The following MAP3K13 variants were observed in gnomAD, a reference collection of about 807,000 sequenced individuals.
The protein encoded by MAP3K13 is leucine zipper-bearing kinase.
A neutral mutation model predicts 104.0 loss-of-function variants in MAP3K13; 52 were observed. The observed-to-expected ratio is 0.50, with a 90% CI of 0.40 to 0.63. The LOEUF is 0.63. Among genes scored for constraint, MAP3K13 ranks in the 20% least tolerant of loss-of-function variants. The pLI, the probability that MAP3K13 is intolerant of heterozygous loss-of-function variation, is 0.00. For missense variants in MAP3K13, 914 were observed against 1,218.5 expected (o/e 0.75, Z 3.72); for synonymous variants, 394 against 442.2 (o/e 0.89, Z 1.37).
intron 1 of MAP3K13, among the ~76,000 whole-genome samples, chr3:185,370,741 C>A (rs1218145503): frequency 9.8e-5 from 11 of 112,004 alleles, no homozygotes; most frequent in African/African-American, 1.4e-4. Flanking sequence ...TCTCTGTAGT[C>A]AAAAAAAAAA....
intron 1 of MAP3K13, among the ~76,000 whole-genome samples, chr3:185,379,018 G>T (rs1724575143): frequency 6.6e-6 from 1 of 152,154 alleles, no homozygotes; most frequent in Admixed American, 6.5e-5. Flanking sequence ...AGGGTGGAAG[G>T]TTGCCCATGG....
intron 1 of MAP3K13, among the ~76,000 whole-genome samples, chr3:185,373,492 A>G (rs1724257852): frequency 1.3e-5 from 2 of 152,116 alleles, no homozygotes; most frequent in Admixed American, 6.5e-5. Context: ...AAATACAAAA[A>G]TTAGCCAGGT....
chr3:185,368,498 C>T (rs1445177101), intron 1 of MAP3K13, among the ~76,000 whole-genome samples: 2 of 152,064 alleles, frequency 1.3e-5, no homozygotes, highest in African/African-American at 4.8e-5. Context: ...GTTGGCACAG[C>T]AGGTGCAGTG....
chr3:185,465,759 T>C lies in MAP3K13; in HGVS notation c.1401T>C (p.Asp467=), dbSNP rs745427524. ...TTTTCTCTGACAGGCATGCGCTGGA[T>C]ATTCGTGAACACTATGAGCGGAAGC... ...RRREELRHAL[D]IREHYERKLE... The change falls in exon 9 of 14, where the codon GAT becomes GAC. Residue 467 remains aspartate (D), a synonymous_variant. Coordinates refer to ENST00000265026, the MANE Select transcript of MAP3K13 (RefSeq NM_004721.5). 1.5e-5 allele frequency: 25 copies of C among 1,613,794 alleles called. No individual in the cohort carries two copies. The highest frequency in any genetic ancestry group is 1.6e-4 in the Middle Eastern group (1 of 6,062).
exon 2 of MAP3K13, chr3:185,285,545 C>G: frequency 1.4e-6 from 2 of 1,383,848 alleles, no homozygotes; most frequent in East Asian, 2.5e-5. Flanking sequence ...TCTATGGACT[C>G]TAAAATGGAC....
intron 2 of MAP3K13, among the ~76,000 whole-genome samples, chr3:185,293,756 C>A (rs1266149284): frequency 6.6e-6 from 1 of 152,156 alleles, no homozygotes; most frequent in Non-Finnish European, 1.5e-5. Context: ...ACCATTTTGG[C>A]ACTAATGCCT....
chr3:185,403,744 T>C (rs1204227888), intron 1 of MAP3K13, among the ~76,000 whole-genome samples: 5 of 152,360 alleles, frequency 3.3e-5, no homozygotes, highest in African/African-American at 1.2e-4. Flanking sequence ...AACTTATATA[T>C]ACAGATAAAC....
At chr3:185,390,228 C>T (rs1400832410) in intron 1 of MAP3K13, among the ~76,000 whole-genome samples, 1 of 152,146 alleles carries the variant, frequency 6.6e-6, no homozygotes, top group East Asian at 1.9e-4. Flanking sequence ...TTAGTGTGTG[C>T]CAGACACTGT....
intron 1 of MAP3K13, among the ~76,000 whole-genome samples, chr3:185,412,166 A>T (rs1023238562): frequency 6.6e-6 from 1 of 152,060 alleles, no homozygotes; most frequent in Non-Finnish European, 1.5e-5. Flanking sequence ...CAAATAGTTT[A>T]TTATTTTGCA....
At chr3:185,397,575 C>T (rs114964943) in intron 1 of MAP3K13, among the ~76,000 whole-genome samples, 30 of 152,296 alleles carry the variant, frequency 2.0e-4, no homozygotes, top group African/African-American at 6.7e-4. Context: ...ATTTCTATTT[C>T]GATGGAGAAA....
At chr3:185,352,146 TTAAAAG>T (rs1723160690) in intron 2 of MAP3K13, among the ~76,000 whole-genome samples, 2 of 151,984 alleles carry the variant, frequency 1.3e-5, no homozygotes, top group South Asian at 4.2e-4. Flanking sequence ...ACCTAAAACT[TTAAAAG>T]TAAGAGTGGG....
chr3:185,348,012 CA>C (rs61028328), intron 2 of MAP3K13, among the ~76,000 whole-genome samples: 168 of 88,900 alleles, frequency 1.9e-3, no homozygotes, highest in Middle Eastern at 6.9e-3. Context: ...AACTCCGTCT[CA>C]AAAAAAAAAA....
intron 2 of MAP3K13, among the ~76,000 whole-genome samples, chr3:185,341,944 G>T (rs965200218): frequency 6.6e-6 from 1 of 152,140 alleles, no homozygotes; most frequent in Non-Finnish European, 1.5e-5. Context: ...GAAAAAGTTT[G>T]CCAAGCCCTG....
Position 185,399,235 on chromosome 3 carries a change from T to C in MAP3K13, c.-85-29262T>C, listed in dbSNP as rs147814158. On this transcript the variant is annotated intron_variant, in intron 1 of 13. Coordinates refer to ENST00000265026, the MANE Select transcript of MAP3K13 (RefSeq NM_004721.5). ...CAAAGGAAAGTGACAAAATTACCCT[T>C]GAGAAAAAAATGCTGATCACCAAGC... is the stretch of plus-strand genomic sequence containing the variant. 3.9e-3 allele frequency among the ~76,000 whole-genome samples: 586 copies of C among 151,976 alleles called. 4 individuals are homozygous for C. Among genetic ancestry groups the C allele is most frequent in the African/African-American group, 0.013 (541 of 41,452 alleles).
rs139499376 is a variant in MAP3K13, at chr3:185,469,578, C to G, written c.1643+2615C>G. On this transcript the variant is annotated intron_variant, in intron 10 of 13. Coordinates refer to ENST00000265026, the MANE Select transcript of MAP3K13 (RefSeq NM_004721.5). ...ATACCCTACCCACCTTATCATAAACCCTTAATACCTGGAACTTCCATGCTA... is the reference window on the plus strand; with the variant it reads ...ATACCCTACCCACCTTATCATAAACGCTTAATACCTGGAACTTCCATGCTA... 1.4e-3 allele frequency among the ~76,000 whole-genome samples: 216 copies of G among 152,242 alleles called. 1 individual carries two copies. The highest frequency in any genetic ancestry group is 4.7e-3 in the African/African-American group (195 of 41,536).
intron 8 of MAP3K13, among the ~76,000 whole-genome samples, chr3:185,464,982 C>T (rs1321847698): frequency 1.3e-5 from 2 of 151,960 alleles, no homozygotes; most frequent in Non-Finnish European, 2.9e-5. Context: ...AAAGACCCCA[C>T]CTATTTATTT....
chr3:185,440,375 C>T (rs956529292), intron 3 of MAP3K13, among the ~76,000 whole-genome samples: 5 of 152,124 alleles, frequency 3.3e-5, no homozygotes, highest in Middle Eastern at 3.4e-3. Context: ...AAAACATAGT[C>T]GAATAGGAGG....
At chr3:185,310,525 G>A (rs1721461060) in intron 2 of MAP3K13, among the ~76,000 whole-genome samples, 1 of 152,010 alleles carries the variant, frequency 6.6e-6, no homozygotes, top group African/African-American at 2.4e-5. Context: ...GAACAGTTGG[G>A]GAATTTCAGC....
At chr3:185,458,149 A>G (rs2148910449) in intron 7 of MAP3K13, among the ~76,000 whole-genome samples, 1 of 152,270 alleles carries the variant, frequency 6.6e-6, no homozygotes, top group East Asian at 1.9e-4. Context: ...TGGGTGGATC[A>G]TTTGAGGTCA....
Sources: gnomAD v4.1 joint callset for allele counts (sites outside exome capture counted in the v4.1 genomes callset) on GRCh38, gnomAD v4.1.1 for gene constraint, MANE v1.5 for transcripts, NCBI Gene and HGNC (gene_info 2026-07-23, HGNC 2026-07-21) for gene names.